Variants in LUZP2 observed in about 807,000 individuals in gnomAD.
LUZP2 encodes the protein leucine zipper protein 2.
A neutral mutation model predicts 51.6 loss-of-function variants in LUZP2; 52 were observed. The observed-to-expected ratio is 1.01, with a 90% CI of 0.81 to 1.27. The LOEUF is 1.27. Ranked by LOEUF, LUZP2 falls within the 50% of genes most tolerant of loss-of-function variation. The pLI is 0.00. For synonymous variants in LUZP2, 154 were observed against 137.3 expected (o/e 1.12, Z -0.85); for missense variants, 436 against 395.4 (o/e 1.10, Z -0.87).
intron 1 of LUZP2, among the ~76,000 whole-genome samples, chr11:24,584,623 T>C (rs887484595): frequency 6.6e-6 from 1 of 152,194 alleles, no homozygotes; most frequent in African/African-American, 2.4e-5. Context: ...AATGAAATTA[T>C]CTTTATATTG....
chr11:24,915,082 T>A (rs1853751461), intron 7 of LUZP2, among the ~76,000 whole-genome samples: 1 of 152,268 alleles, frequency 6.6e-6, no homozygotes. Flanking sequence ...TGTTATTTCA[T>A]GTTATTTTAC....
intron 1 of LUZP2, among the ~76,000 whole-genome samples, chr11:24,500,086 TG>T (rs1190615307): frequency 6.6e-6 from 1 of 152,190 alleles, no homozygotes; most frequent in Non-Finnish European, 1.5e-5. Context: ...CAACTTTAGA[TG>T]CTGAAGCACA....
At chr11:24,949,968 CTT>C (rs34673656) in intron 7 of LUZP2, among the ~76,000 whole-genome samples, 15,202 of 119,822 alleles carry the variant, frequency 0.13, 1,083 homozygotes, top group African/African-American at 0.23. Flanking sequence ...TCTTTCTTTT[CTT>C]TTTTTTTTTT....
intron 1 of LUZP2, among the ~76,000 whole-genome samples, chr11:24,586,045 A>G (rs1471115640): frequency 1.3e-5 from 2 of 152,130 alleles, no homozygotes; most frequent in African/African-American, 2.4e-5. Context: ...ATCCAACAGT[A>G]TTAGCTCCAA....
At chr11:24,782,890 A>G (rs1007649680) in intron 5 of LUZP2, among the ~76,000 whole-genome samples, 3 of 152,036 alleles carry the variant, frequency 2.0e-5, no homozygotes, top group Non-Finnish European at 4.4e-5. Context: ...AATTCAGTAA[A>G]TCAGTCAGAA....
chr11:24,801,363 G>A (rs1031776375), intron 5 of LUZP2, among the ~76,000 whole-genome samples: 2 of 152,032 alleles, frequency 1.3e-5, no homozygotes, highest in African/African-American at 4.8e-5. Context: ...AGGTTTTCCA[G>A]TGGTCACATG....
intron 5 of LUZP2, among the ~76,000 whole-genome samples, chr11:24,803,434 A>T (rs1849753581): frequency 6.6e-6 from 1 of 152,138 alleles, no homozygotes; most frequent in African/African-American, 2.4e-5. Flanking sequence ...GCACACTCTA[A>T]AGTGGTACAG....
intron 7 of LUZP2, among the ~76,000 whole-genome samples, chr11:24,924,234 C>T (rs897017001): frequency 2.6e-5 from 4 of 152,008 alleles, no homozygotes; most frequent in East Asian, 1.9e-4. Context: ...CGTGCCACCA[C>T]GCCCAGCTAA....
chr11:24,546,410 CTG>C (rs1337163016), intron 1 of LUZP2, among the ~76,000 whole-genome samples: 28 of 152,164 alleles, frequency 1.8e-4, no homozygotes, highest in African/African-American at 6.7e-4. Context: ...ATGAGGATGA[CTG>C]TGGGTTTGCC....
chr11:24,716,173 C>G (rs1858033937), intron 1 of LUZP2, among the ~76,000 whole-genome samples: 1 of 152,016 alleles, frequency 6.6e-6, no homozygotes, highest in African/African-American at 2.4e-5. Context: ...TAAAAGTAGG[C>G]AGAAATGTTG....
chr11:24,670,592 C>T (rs1269994737), intron 1 of LUZP2, among the ~76,000 whole-genome samples: 1 of 151,940 alleles, frequency 6.6e-6, no homozygotes, highest in East Asian at 1.9e-4. Flanking sequence ...AACACACAGA[C>T]ACACACATAT....
At chr11:24,730,840 C>T (rs753382321) in intron 2 of LUZP2, among the ~76,000 whole-genome samples, 1 of 151,748 alleles carries the variant, frequency 6.6e-6, no homozygotes, top group Non-Finnish European at 1.5e-5. Flanking sequence ...GAAAGGATAA[C>T]AATCCTACCA....
chr11:24,726,042 T>C (rs1858463738), intron 1 of LUZP2, among the ~76,000 whole-genome samples: 1 of 152,102 alleles, frequency 6.6e-6, no homozygotes. Context: ...CCTCCAGAAT[T>C]GTGAGACGAA....
intron 9 of LUZP2, among the ~76,000 whole-genome samples, chr11:25,014,328 G>T (rs1857076617): frequency 6.6e-6 from 1 of 152,204 alleles, no homozygotes; most frequent in South Asian, 2.1e-4. Context: ...TCACCACACT[G>T]TCTTCCACAA....
At chr11:25,062,671 C>A (rs951818938) in intron 10 of LUZP2, among the ~76,000 whole-genome samples, 1 of 149,640 alleles carries the variant, frequency 6.7e-6, no homozygotes, top group Admixed American at 6.7e-5. Flanking sequence ...TGTGTCTTTC[C>A]GTCTCCAACT....
intron 1 of LUZP2, among the ~76,000 whole-genome samples, chr11:24,542,624 T>G (rs534246130): frequency 6.6e-6 from 1 of 151,770 alleles, no homozygotes; most frequent in Non-Finnish European, 1.5e-5. Flanking sequence ...CAAAATAATA[T>G]GGGTGAAAAC....
intron 1 of LUZP2, among the ~76,000 whole-genome samples, chr11:24,522,607 A>G (rs966841168): frequency 1.3e-5 from 2 of 152,046 alleles, no homozygotes; most frequent in Non-Finnish European, 2.9e-5. Context: ...GTAGTCTGAT[A>G]AATTGTCAGG....
intron 1 of LUZP2, among the ~76,000 whole-genome samples, chr11:24,655,058 A>T (rs1200776277): frequency 2.0e-5 from 3 of 152,196 alleles, no homozygotes; most frequent in Admixed American, 6.5e-5. Flanking sequence ...TGTTGCAGAA[A>T]AAATAAGGTT....
chr11:25,006,210 G>A (rs1345742267), intron 9 of LUZP2, among the ~76,000 whole-genome samples: 5 of 152,140 alleles, frequency 3.3e-5, no homozygotes, highest in Admixed American at 3.3e-4. Context: ...ATTCTTACAG[G>A]AGAAAAGCCC....
Sources: gnomAD v4.1 joint callset for allele counts (sites outside exome capture counted in the v4.1 genomes callset) on GRCh38, gnomAD v4.1.1 for gene constraint, MANE v1.5 for transcripts, NCBI Gene and HGNC (gene_info 2026-07-23, HGNC 2026-07-21) for gene names.